Variants in LINS1 observed in about 807,000 individuals in gnomAD.
LINS1 encodes the protein lines homolog 1, also known as protein Lines homolog 1.
Under a neutral mutation model 41.6 loss-of-function variants are expected in LINS1, and 27 were observed. The ratio of observed to expected loss-of-function variants is 0.65; its 90% CI spans 0.48 to 0.89. LINS1 has a LOEUF of 0.89. Among genes scored for constraint, LINS1 ranks in the 40% least tolerant of loss-of-function variants. The pLI is 0.00. For synonymous variants in LINS1, 336 were observed against 312.9 expected (o/e 1.07, Z -0.78); for missense variants, 955 against 884.1 (o/e 1.08, Z -1.02).
At chr15:100,580,191 C>T in intron 3 of LINS1, 72 bp downstream of exon 3, 1 of 1,185,618 alleles carries the variant, frequency 8.4e-7, no homozygotes, top group Non-Finnish European at 1.2e-6. Flanking sequence ...GAGACCTTGT[C>T]TCCACAAAAC....
intron 1 of LINS1, among the ~76,000 whole-genome samples, chr15:100,585,253 C>T (rs919532873): frequency 6.6e-6 from 1 of 152,230 alleles, no homozygotes; most frequent in Non-Finnish European, 1.5e-5. Context: ...ACCTCAGTCT[C>T]TACAAAGGGG....
chr15:100,577,976 G>A (rs2038289188), intron 3 of LINS1, among the ~76,000 whole-genome samples: 1 of 152,164 alleles, frequency 6.6e-6, no homozygotes, highest in African/African-American at 2.4e-5. Context: ...GCCATATGTA[G>A]AAAGCTGAAA....
intron 1 of LINS1, among the ~76,000 whole-genome samples, chr15:100,581,793 C>A (rs940250408): frequency 1.3e-5 from 2 of 152,172 alleles, no homozygotes; most frequent in African/African-American, 2.4e-5. Flanking sequence ...AAAGAGGCAA[C>A]CCTCTCCCCA....
chr15:100,570,016 A>T lies in LINS1; in HGVS notation c.1496T>A (p.Leu499Ter). 6.4e-7 allele frequency: 1 copy of T among 1,550,596 alleles called. No individual in the cohort carries two copies. The highest frequency in any genetic ancestry group is 8.7e-7 in the Non-Finnish European group (1 of 1,154,022). The change falls in exon 7 of 7, where the codon TTG (leucine) becomes TAG (stop). Residue 499 changes from leucine (L) to a stop codon, truncating the protein, a stop_gained. Transcript: ENST00000314742. LOFTEE classifies it low-confidence loss of function (END_TRUNC). ...YNPHCIFLFF[L>*]KNIGFDSTVL... is the part of the protein sequence containing the mutation. ...TGTGGAATCAAATCCTATATTTTTC[A>T]AGAAGAACAAGAAAATACAGTGAGG...
chr15:100,600,558 A>AAAAAAAAAAAC (rs1484554863), intron 1 of LINS1, among the ~76,000 whole-genome samples: 1 of 115,110 alleles, frequency 8.7e-6, no homozygotes, highest in Non-Finnish European at 2.0e-5. Context: ...AAGCAAAAAA[A>AAAAAAAAAAAC]AAAAAAAAAA....
chr15:100,573,810 C>T lies in LINS1; in HGVS notation c.1063G>A (p.Val355Ile). 1.2e-6 allele frequency: 2 copies of T among 1,614,218 alleles called. No individual in the cohort carries two copies. Among genetic ancestry groups the T allele is most frequent in the Non-Finnish European group, 1.7e-6 (2 of 1,180,022 alleles). Residue 355 changes from valine (V) to isoleucine (I), a missense_variant, in exon 5 of 7, where the codon GTT (valine) becomes ATT (isoleucine). Transcript: ENST00000314742. ...VNSGLLKTLSVYEKHSFFGGD... is the reference protein window; with the variant it reads ...VNSGLLKTLSIYEKHSFFGGD... Reference sequence around the variant, plus strand: ...CCAAAAAAGGAATGTTTTTCATAAACAGACAGTGTCTTCAACAACCCCGAA... The same window carrying T: ...CCAAAAAAGGAATGTTTTTCATAAATAGACAGTGTCTTCAACAACCCCGAA...
chr15:100,587,621 T>C (rs78772201), intron 1 of LINS1, among the ~76,000 whole-genome samples: 1,942 of 152,292 alleles, frequency 0.013, 59 homozygotes, highest in African/African-American at 0.044. Flanking sequence ...AGGCTTTTAT[T>C]TGGTTCTGTG....
chr15:100,584,743 C>T (rs1453107099), intron 1 of LINS1, among the ~76,000 whole-genome samples: 1 of 152,168 alleles, frequency 6.6e-6, no homozygotes, highest in Non-Finnish European at 1.5e-5. Flanking sequence ...TTCAATTCTA[C>T]ATTATCTACC....
At chr15:100,585,709 C>T (rs1221810844) in intron 1 of LINS1, among the ~76,000 whole-genome samples, 1 of 152,146 alleles carries the variant, frequency 6.6e-6, no homozygotes, top group Admixed American at 6.5e-5. Flanking sequence ...TGTATGTACA[C>T]TTATTGTTAT....
intron 1 of LINS1, among the ~76,000 whole-genome samples, chr15:100,582,679 T>G (rs191143820): frequency 2.2e-4 from 33 of 149,718 alleles, no homozygotes; most frequent in African/African-American, 7.9e-4. Context: ...GTCTTGGTCT[T>G]ATACTGGGTC....
intron 3 of LINS1, among the ~76,000 whole-genome samples, chr15:100,578,862 C>A (rs1299032304): frequency 6.6e-6 from 1 of 152,086 alleles, no homozygotes; most frequent in East Asian, 1.9e-4. Context: ...ATGATGAGTT[C>A]ATGTCCTTTG....
rs2038073298 is a variant in LINS1, at chr15:100,574,967, T to TG, written c.631+19dup. 11 of 1,610,410 alleles carry TG rather than the reference T, an allele frequency of 6.8e-6. 1 individual carries two copies. The South Asian group carries it at 1.2e-4, about 18-fold the overall frequency. ...CCAGGAGCAAGATGATGATTGTTTA[T>TG]GGGGCCATGTAATCCATACCTGTTT... On this transcript the variant is annotated intron_variant, in intron 4 of 6. Transcript: ENST00000314742.
chr15:100,569,394 C>A lies in LINS1; in HGVS notation c.2118G>T (p.Val706=). Residue 706 remains valine, a synonymous_variant, in exon 7 of 7, where the codon GTG becomes GTT. Transcript: ENST00000314742. ...ATTTTACTATTCTGTAAAATATTCC[C>A]ACTTCAGAGACGACATCATTTGGGG... ...EVAPNDVVSE[V]GIFYRIVKCF... The A allele has an allele frequency of 1.2e-6, 2 of 1,614,004 alleles. No homozygotes were observed. Among genetic ancestry groups the A allele is most frequent in the Non-Finnish European group, 1.7e-6 (2 of 1,179,920 alleles).
intron 1 of LINS1, among the ~76,000 whole-genome samples, chr15:100,601,677 G>A (rs1206614300): frequency 6.6e-6 from 1 of 151,836 alleles, no homozygotes; most frequent in Non-Finnish European, 1.5e-5. Context: ...TCACTATCTT[G>A]TTCACTGTTG....
At chr15:100,598,274 G>A (rs1377956729) in intron 1 of LINS1, among the ~76,000 whole-genome samples, 2 of 152,130 alleles carry the variant, frequency 1.3e-5, no homozygotes, top group Non-Finnish European at 2.9e-5. Context: ...ATACATTCCT[G>A]GCTGAAGATT....
At chr15:100,601,580 C>G (rs2039497203) in intron 1 of LINS1, among the ~76,000 whole-genome samples, 2 of 151,988 alleles carry the variant, frequency 1.3e-5, no homozygotes, top group African/African-American at 4.8e-5. Context: ...CCCATCACGT[C>G]CTGGTCAAAA....
chr15:100,579,501 A>G (rs1444706794), intron 3 of LINS1, among the ~76,000 whole-genome samples: 1 of 151,998 alleles, frequency 6.6e-6, no homozygotes, highest in East Asian at 1.9e-4. Flanking sequence ...ATGAAAGATG[A>G]AAATGTTAGC....
At position 100,567,987 on chromosome 15, in the gene LINS1, T is replaced by G. The variant is rs1355214607; in HGVS notation, c.*1251A>C. On this transcript the variant is annotated 3_prime_UTR_variant, in exon 7 of 7. Transcript: ENST00000314742. ...CTGCAAAGAGATCATTAAAAAAAAA[T>G]GTACAGGCAATATTTTAGACTGCCT... is the stretch of plus-strand genomic sequence containing the variant. 1.4e-5 allele frequency: 2 copies of G among 147,172 alleles called. No individual in the cohort carries two copies. The highest frequency in any genetic ancestry group is 3.0e-5 in the Non-Finnish European group (2 of 65,754). The allele number at this position is 147,172 out of a possible 1,614,324, so 9.1% of individuals were successfully genotyped here. A position where few individuals can be genotyped will look rare whatever the true frequency, so the allele number is the denominator to read the frequency against.
In LINS1 at chr15:100,570,965, CCTG is replaced by C. The variant is rs751904525; in HGVS notation, c.1395-851_1395-849del. Among the ~76,000 whole-genome samples, 52 of 152,314 alleles carry C rather than the reference CCTG, an allele frequency of 3.4e-4. No individual in the cohort carries two copies. The Middle Eastern group carries it at 0.014, about 40-fold the overall frequency. ...CAGTTTCATTCAGGGGTTTCCACTT[CCTG>C]AGGAGTAAGGAGCTAACTTTGAGTA... On this transcript the variant is annotated intron_variant, in intron 6 of 6. Transcript: ENST00000314742.
Sources: gnomAD v4.1 joint callset for allele counts (sites outside exome capture counted in the v4.1 genomes callset) on GRCh38, gnomAD v4.1.1 for gene constraint, MANE v1.5 for transcripts, NCBI Gene and HGNC (gene_info 2026-07-23, HGNC 2026-07-21) for gene names.